The following GPR141 variants were observed in gnomAD, a reference collection of about 807,000 sequenced individuals.
GPR141 encodes the protein probable G protein-coupled receptor 141.
A neutral mutation model predicts 6.8 loss-of-function variants in GPR141; 6 were observed. That is an observed-to-expected ratio of 0.88 (90% CI 0.48 to 1.74). The LOEUF (loss-of-function observed/expected upper bound fraction) is 1.74. Ranked by LOEUF, GPR141 falls within the 40% of genes most tolerant of loss-of-function variation. GPR141 has a pLI of 0.01. For missense variants in GPR141, 372 were observed against 372.9 expected (o/e 1.00, Z 0.02); for synonymous variants, 140 against 142.3 (o/e 0.98, Z 0.11).
chr7:37,709,085 TAG>T (rs937983057), intron 2 of GPR141, among the ~76,000 whole-genome samples: 13 of 152,152 alleles, frequency 8.5e-5, no homozygotes, highest in African/African-American at 3.1e-4. Flanking sequence ...CTAAGAAATA[TAG>T]GATAATTTTG....
At chr7:37,699,975 A>G (rs1223622718) in intron 2 of GPR141, among the ~76,000 whole-genome samples, 2 of 152,190 alleles carry the variant, frequency 1.3e-5, no homozygotes, top group Non-Finnish European at 2.9e-5. Flanking sequence ...CCTTCAGTCT[A>G]TCAGGCACCA....
intron 2 of GPR141, among the ~76,000 whole-genome samples, chr7:37,697,101 G>T (rs1196676202): frequency 2.0e-5 from 3 of 152,146 alleles, no homozygotes; most frequent in Non-Finnish European, 4.4e-5. Flanking sequence ...GCCAAGATCA[G>T]AAGACTTTCT....
chr7:37,685,071 C>T (rs1809435884), intron 1 of GPR141: 1 of 152,184 alleles, frequency 6.6e-6, no homozygotes, highest in Non-Finnish European at 1.5e-5. Context: ...TTGGTACTTA[C>T]ATAACCATTT....
At chr7:37,717,783 G>T (rs1046596955) in intron 2 of GPR141, among the ~76,000 whole-genome samples, 23 of 152,124 alleles carry the variant, frequency 1.5e-4, no homozygotes, top group African/African-American at 5.6e-4. Flanking sequence ...CTCCTTGAGG[G>T]CAGGACTGCT....
intron 2 of GPR141, among the ~76,000 whole-genome samples, chr7:37,705,478 G>T (rs190240816): frequency 6.6e-6 from 1 of 152,306 alleles, no homozygotes; most frequent in Non-Finnish European, 1.5e-5. Context: ...TCTGGCTTAT[G>T]CTAATTGTCT....
In GPR141 at chr7:37,740,386, TC is replaced by T. The variant is rs779317179; in HGVS notation, c.-5del. On this transcript the variant is annotated 5_prime_UTR_variant, in exon 3 of 3. Transcript: ENST00000334425. The stretch of plus-strand genomic sequence containing the variant: ...GGTGCTTTTTCTCCTCCAGGTGACT[TC>T]CCAAGTATGCCTGGCCACAATACCT... 6.3e-7 allele frequency: 1 copy of T among 1,579,590 alleles called. No individual in the cohort carries two copies. Among genetic ancestry groups the T allele is most frequent in the Non-Finnish European group, 8.6e-7 (1 of 1,159,356 alleles).
intron 2 of GPR141, 96 bp from the exon 3 acceptor site, chr7:37,740,284 C>A: frequency 2.7e-6 from 2 of 747,720 alleles, no homozygotes; most frequent in Middle Eastern, 2.6e-4. Flanking sequence ...ATCATATAAG[C>A]ACATAAATGG....
chr7:37,739,904 AATTAAGTATGAAT>A (rs1812441317), intron 2 of GPR141, among the ~76,000 whole-genome samples: 1 of 152,212 alleles, frequency 6.6e-6, no homozygotes, highest in Admixed American at 6.5e-5. Flanking sequence ...ATTCTAAATG[AATTAAGTATGAAT>A]ATTCTTGGGT....
At chr7:37,698,547 G>C (rs1243273645) in intron 2 of GPR141, among the ~76,000 whole-genome samples, 2 of 152,186 alleles carry the variant, frequency 1.3e-5, no homozygotes, top group Non-Finnish European at 2.9e-5. Context: ...TTGGGTTTTG[G>C]TTGGGTAACT....
intron 2 of GPR141, among the ~76,000 whole-genome samples, chr7:37,694,132 G>A (rs1373497147): frequency 2.6e-5 from 4 of 152,204 alleles, no homozygotes; most frequent in African/African-American, 9.6e-5. Context: ...GGGCAGCCAA[G>A]GAACTGTTTC....
chr7:37,698,898 C>A (rs1810148230), intron 2 of GPR141, among the ~76,000 whole-genome samples: 1 of 152,178 alleles, frequency 6.6e-6, no homozygotes, highest in African/African-American at 2.4e-5. Flanking sequence ...GTTTCTGTAT[C>A]CTACGTCAAG....
chr7:37,704,398 C>T (rs1238065192), intron 2 of GPR141, among the ~76,000 whole-genome samples: 2 of 152,136 alleles, frequency 1.3e-5, no homozygotes. Context: ...AGGAGACTTA[C>T]AATCGTGGCA....
At chr7:37,729,404 C>T (rs1811802457) in intron 2 of GPR141, among the ~76,000 whole-genome samples, 1 of 152,170 alleles carries the variant, frequency 6.6e-6, no homozygotes, top group South Asian at 2.1e-4. Flanking sequence ...TTTCTGGGAT[C>T]CTGATGTCAG....
intron 2 of GPR141, among the ~76,000 whole-genome samples, chr7:37,720,117 G>A (rs1811246578): frequency 6.6e-6 from 1 of 152,202 alleles, no homozygotes; most frequent in Admixed American, 6.5e-5. Flanking sequence ...TCGGGAGATT[G>A]ATGGGGTTCA....
chr7:37,732,732 A>G (rs1345429523), intron 2 of GPR141, among the ~76,000 whole-genome samples: 1 of 152,234 alleles, frequency 6.6e-6, no homozygotes, highest in Non-Finnish European at 1.5e-5. Context: ...GAGTCTCAGT[A>G]ATAGATATGT....
chr7:37,711,909 G>T (rs565152614), intron 2 of GPR141, among the ~76,000 whole-genome samples: 10 of 152,356 alleles, frequency 6.6e-5, no homozygotes, highest in African/African-American at 2.4e-4. Context: ...CAGCCAGAGT[G>T]CTGGAGGTTT....
chr7:37,721,328 T>C (rs1054782962), intron 2 of GPR141, among the ~76,000 whole-genome samples: 9 of 152,202 alleles, frequency 5.9e-5, no homozygotes, highest in African/African-American at 2.2e-4. Flanking sequence ...ATTTCCATCT[T>C]AGTGCCAGGA....
chr7:37,693,627 T>G (rs1330438659), intron 2 of GPR141, among the ~76,000 whole-genome samples: 1 of 152,002 alleles, frequency 6.6e-6, no homozygotes, highest in Non-Finnish European at 1.5e-5. Flanking sequence ...CCCAGACTTG[T>G]GAGAGCAGGT....
At chr7:37,702,596 G>A (rs1810328811) in intron 2 of GPR141, among the ~76,000 whole-genome samples, 1 of 151,588 alleles carries the variant, frequency 6.6e-6, no homozygotes, top group African/African-American at 2.4e-5. Flanking sequence ...AGTCCCCCCA[G>A]GAGTGGGGAG....
Sources: allele counts gnomAD v4.1 joint callset (sites outside exome capture counted in the v4.1 genomes callset), GRCh38; gene constraint gnomAD v4.1.1; transcripts MANE v1.5; gene names NCBI Gene and HGNC (gene_info 2026-07-23, HGNC 2026-07-21).